The following ST3GAL2 variants were observed in gnomAD, a reference collection of about 807,000 sequenced individuals.
ST3GAL2 encodes the protein ST3 beta-galactoside alpha-2,3-sialyltransferase 2, also known as CMP-N-acetylneuraminate-beta-galactosamide-alpha-2,3-sialyltransferase 2.
A neutral mutation model predicts 37.5 loss-of-function variants in ST3GAL2; 16 were observed. The observed-to-expected ratio is 0.43, with a 90% CI of 0.29 to 0.65. The LOEUF (loss-of-function observed/expected upper bound fraction) is 0.65. ST3GAL2 is among the 30% of genes least tolerant of loss of function. ST3GAL2 has a pLI of 0.17. For synonymous variants in ST3GAL2, 238 were observed against 202.9 expected (o/e 1.17, Z -1.47); for missense variants, 383 against 487.8 (o/e 0.79, Z 2.02).
At chr16:70,393,399 G>GCCC (rs2047494656) in intron 3 of ST3GAL2, among the ~76,000 whole-genome samples, 1 of 152,146 alleles carries the variant, frequency 6.6e-6, no homozygotes, top group Admixed American at 6.6e-5. Flanking sequence ...TCTTTCTGCA[G>GCCC]CCCCACCTGA....
chr16:70,405,922 A>G (rs148411618), intron 1 of ST3GAL2, among the ~76,000 whole-genome samples: 1,992 of 151,820 alleles, frequency 0.013, 39 homozygotes, highest in African/African-American at 0.045. Context: ...TTAGCCAGGC[A>G]TGGTGGCGGG....
At chr16:70,432,213 T>A (rs1220625317) in intron 1 of ST3GAL2, among the ~76,000 whole-genome samples, 1 of 152,160 alleles carries the variant, frequency 6.6e-6, no homozygotes, top group African/African-American at 2.4e-5. Flanking sequence ...TGGCCCTTGT[T>A]CACCTTATTG....
At chr16:70,427,265 A>G (rs994149795) in intron 1 of ST3GAL2, among the ~76,000 whole-genome samples, 1 of 151,934 alleles carries the variant, frequency 6.6e-6, no homozygotes, top group Non-Finnish European at 1.5e-5. Context: ...TCCAAAAAGT[A>G]TCTCAAACTC....
chr16:70,405,031 CAA>C (rs370157293), intron 1 of ST3GAL2, among the ~76,000 whole-genome samples: 6 of 69,852 alleles, frequency 8.6e-5, no homozygotes, highest in African/African-American at 1.9e-4. Context: ...GACTCCATCT[CAA>C]AAAAAAAAAA....
intron 1 of ST3GAL2, among the ~76,000 whole-genome samples, chr16:70,431,985 A>ATATATATTTT (rs1454729972): frequency 6.3e-4 from 88 of 139,048 alleles, no homozygotes; most frequent in African/African-American, 2.6e-3. Flanking sequence ...ATATATATAT[A>ATATATATTTT]TTTTTTTTTA....
At chr16:70,420,170 T>G (rs2047705423) in intron 1 of ST3GAL2, among the ~76,000 whole-genome samples, 1 of 152,080 alleles carries the variant, frequency 6.6e-6, no homozygotes, top group African/African-American at 2.4e-5. Flanking sequence ...TCTATTCTTG[T>G]GGCCCAGTGG....
intron 4 of ST3GAL2, among the ~76,000 whole-genome samples, chr16:70,388,161 C>T (rs1432103833): frequency 6.6e-6 from 1 of 151,922 alleles, no homozygotes; most frequent in Non-Finnish European, 1.5e-5. Context: ...CTCATCTTTC[C>T]ACCATCAATA....
At chr16:70,388,160 C>T (rs2047455881) in intron 4 of ST3GAL2, among the ~76,000 whole-genome samples, 1 of 151,880 alleles carries the variant, frequency 6.6e-6, no homozygotes, top group African/African-American at 2.4e-5. Context: ...CCTCATCTTT[C>T]CACCATCAAT....
intron 4 of ST3GAL2, 22 bp from the exon 5 acceptor site, chr16:70,383,257 GAT>G (rs767149376): frequency 2.8e-5 from 44 of 1,596,500 alleles, no homozygotes; most frequent in Non-Finnish European, 3.6e-5. Flanking sequence ...AAGAAAGAAA[GAT>G]AACATTTCAG....
rs2047548733 is a variant in ST3GAL2 at position 70,400,642 on chromosome 16, G to GT, written c.-1003-1110dup. ...CAGGGAATGGAACGAGCATATTGCA[G>GT]TAAGGACATTATTCTGGGTGAGAAA... On this transcript the variant is annotated intron_variant, in intron 1 of 6. Transcript: ENST00000342907. 2.0e-5 allele frequency: 3 copies of GT among 152,412 alleles called. No individual in the cohort carries two copies. In the South Asian group the frequency reaches 6.2e-4, roughly 32 times the overall value. 9.4% of individuals were successfully genotyped at this position (152,412 alleles called of 1,614,324 possible).
chr16:70,387,968 C>T (rs983904960), intron 4 of ST3GAL2, among the ~76,000 whole-genome samples: 4 of 151,956 alleles, frequency 2.6e-5, no homozygotes, highest in Non-Finnish European at 5.9e-5. Context: ...CAAAATTAGC[C>T]GGGCGTGGTG....
intron 4 of ST3GAL2, 46 bp downstream of exon 4, chr16:70,388,321 G>A (rs768078920): frequency 1.9e-6 from 3 of 1,611,766 alleles, no homozygotes; most frequent in East Asian, 4.5e-5. Flanking sequence ...CTCTGCCCAA[G>A]ATGGTCCTGT....
At chr16:70,390,447 C>T (rs2047475070) in intron 3 of ST3GAL2, among the ~76,000 whole-genome samples, 1 of 152,182 alleles carries the variant, frequency 6.6e-6, no homozygotes, top group Non-Finnish European at 1.5e-5. Context: ...CTGTTCTGCC[C>T]TCCTTCCTAT....
chr16:70,419,457 G>A (rs530156108), intron 1 of ST3GAL2, among the ~76,000 whole-genome samples: 1 of 152,328 alleles, frequency 6.6e-6, no homozygotes, highest in African/African-American at 2.4e-5. Context: ...CAGTGGAAAG[G>A]AAAGCTGCAA....
intron 1 of ST3GAL2, among the ~76,000 whole-genome samples, chr16:70,402,625 C>T (rs946844222): frequency 6.6e-6 from 1 of 152,130 alleles, no homozygotes; most frequent in African/African-American, 2.4e-5. Flanking sequence ...TACTGGGTAC[C>T]TTGTAATCCA....
At chr16:70,403,965 A>AGG (rs1013488954) in intron 1 of ST3GAL2, among the ~76,000 whole-genome samples, 1 of 152,148 alleles carries the variant, frequency 6.6e-6, no homozygotes, top group African/African-American at 2.4e-5. Context: ...ATGGCACTCC[A>AGG]GGATGGGTGA....
chr16:70,414,360 C>A (rs1006866281), intron 1 of ST3GAL2, among the ~76,000 whole-genome samples: 1 of 152,216 alleles, frequency 6.6e-6, no homozygotes, highest in South Asian at 2.1e-4. Flanking sequence ...TAGGGCAGGG[C>A]GTGCAGACAT....
At chr16:70,437,413 C>T (rs1412454421) in intron 1 of ST3GAL2, among the ~76,000 whole-genome samples, 1 of 152,092 alleles carries the variant, frequency 6.6e-6, no homozygotes, top group Non-Finnish European at 1.5e-5. Context: ...CCACATAACT[C>T]CTAGAGCCTC....
intron 3 of ST3GAL2, among the ~76,000 whole-genome samples, chr16:70,392,456 G>A (rs1023819446): frequency 2.0e-5 from 3 of 152,208 alleles, no homozygotes; most frequent in African/African-American, 7.2e-5. Flanking sequence ...TGGGGTGTGT[G>A]CCCCCTGGTT....
Sources: gnomAD v4.1 joint callset for allele counts (sites outside exome capture counted in the v4.1 genomes callset) on GRCh38, gnomAD v4.1.1 for gene constraint, MANE v1.5 for transcripts, NCBI Gene and HGNC (gene_info 2026-07-23, HGNC 2026-07-21) for gene names.